The following CNIH3 variants were observed in gnomAD, a reference collection of about 807,000 sequenced individuals.
CNIH3 encodes the protein cornichon family AMPA receptor auxiliary protein 3, also known as protein cornichon homolog 3.
CNIH3 carries 14 observed loss-of-function variants against 24.1 expected under a neutral mutation model. The ratio of observed to expected loss-of-function variants is 0.58; its 90% CI spans 0.38 to 0.91. The LOEUF is 0.91. CNIH3 is among the 40% of genes least tolerant of loss of function. The pLI, the probability that CNIH3 is intolerant of heterozygous loss-of-function variation, is 0.00. For missense variants in CNIH3, 178 were observed against 196.8 expected (o/e 0.90, Z 0.57); for synonymous variants, 68 against 73.8 (o/e 0.92, Z 0.40).
At chr1:224,627,503 C>A (rs1471290385) in intron 1 of CNIH3, among the ~76,000 whole-genome samples, 1 of 152,186 alleles carries the variant, frequency 6.6e-6, no homozygotes, top group African/African-American at 2.4e-5. Flanking sequence ...GGATTACAGG[C>A]GTGAGCCACC....
intron 1 of CNIH3, chr1:224,434,865 A>G (rs2102932895): frequency 3.0e-6 from 3 of 985,130 alleles, no homozygotes; most frequent in South Asian, 4.7e-5. Flanking sequence ...GGTGGCAGGT[A>G]TGGAACCTAT....
intron 3 of CNIH3, among the ~76,000 whole-genome samples, chr1:224,599,153 C>T (rs1053090073): frequency 6.6e-5 from 10 of 152,110 alleles, no homozygotes; most frequent in East Asian, 1.9e-4. Context: ...TTAAAAAAAC[C>T]GCCACCCTTT....
intron 3 of CNIH3, among the ~76,000 whole-genome samples, chr1:224,695,357 AACACAC>A (rs56245587): frequency 0.52 from 76,007 of 145,656 alleles, 20,489 homozygotes; most frequent in Non-Finnish European, 0.6. Context: ...TCTCTTTCTA[AACACAC>A]ACACACACAC....
chr1:224,569,115 G>A (rs1054028869), intron 4 of CNIH3, among the ~76,000 whole-genome samples: 2 of 152,074 alleles, frequency 1.3e-5, no homozygotes, highest in Admixed American at 1.3e-4. Flanking sequence ...TGATCTGCCC[G>A]TCTCGGCCTC....
At chr1:224,714,941 C>T (rs1242817666) in intron 3 of CNIH3, among the ~76,000 whole-genome samples, 1 of 152,192 alleles carries the variant, frequency 6.6e-6, no homozygotes, top group African/African-American at 2.4e-5. Context: ...CCAGATTTCA[C>T]CTTACGTAGT....
intron 4 of CNIH3, 197 bp downstream of exon 4, chr1:224,730,771 T>G (rs548690623): frequency 3.7e-6 from 2 of 535,566 alleles, no homozygotes; most frequent in South Asian, 5.6e-5. Context: ...TTTGTTGGTT[T>G]CATTAACCAC....
At chr1:224,451,519 C>G (rs1675397989) in intron 1 of CNIH3, among the ~76,000 whole-genome samples, 1 of 152,150 alleles carries the variant, frequency 6.6e-6, no homozygotes, top group South Asian at 2.1e-4. Context: ...TGTAATAGAG[C>G]CTGCTATGGC....
intron 2 of CNIH3, among the ~76,000 whole-genome samples, chr1:224,530,610 CT>C (rs1053359409): frequency 3.4e-5 from 5 of 147,848 alleles, no homozygotes; most frequent in South Asian, 4.3e-4. Context: ...TTCTTTTTTT[CT>C]TTTTTTTTAG....
At chr1:224,705,854 T>TC (rs374713022) in intron 3 of CNIH3, among the ~76,000 whole-genome samples, 4 of 106,912 alleles carry the variant, frequency 3.7e-5, no homozygotes, top group African/African-American at 1.2e-4. Context: ...TCTTTTCTTT[T>TC]TTTTCTTTTT....
intron 1 of CNIH3, among the ~76,000 whole-genome samples, chr1:224,467,745 A>G (rs1676205720): frequency 1.3e-5 from 2 of 150,948 alleles, no homozygotes; most frequent in African/African-American, 2.4e-5. Flanking sequence ...TTTGATATCA[A>G]GTTGAAGTAC....
rs141293355 is a variant in CNIH3, at chr1:224,551,992, C to T, written n.450+5053C>T. The stretch of plus-strand genomic sequence containing the variant: ...AGGGAGTTATACTACTAATATCACA[C>T]GGGTTGTACTCCCTCTGTGTACGCC... On this transcript the variant is annotated intron_variant and non_coding_transcript_variant, in intron 3 of 5. Transcript: ENST00000471578. Among the ~76,000 whole-genome samples the T allele has an allele frequency of 5.6e-3, 850 of 151,272 alleles. 11 individuals are homozygous for T. The highest frequency in any genetic ancestry group is 0.02 in the African/African-American group (807 of 41,300).
intron 3 of CNIH3, among the ~76,000 whole-genome samples, chr1:224,710,404 C>T (rs770695672): frequency 8.5e-5 from 13 of 152,194 alleles, no homozygotes; most frequent in Non-Finnish European, 1.5e-4. Flanking sequence ...TCTTGGTCTT[C>T]GTTCAAGTCC....
At chr1:224,693,869 A>G (rs1403707574) in intron 3 of CNIH3, among the ~76,000 whole-genome samples, 2 of 152,254 alleles carry the variant, frequency 1.3e-5, no homozygotes, top group East Asian at 3.8e-4. Context: ...AGATGTTTCA[A>G]CATATATCTG....
At chr1:224,641,522 C>T (rs1293420546) in intron 1 of CNIH3, among the ~76,000 whole-genome samples, 1 of 152,220 alleles carries the variant, frequency 6.6e-6, no homozygotes, top group Non-Finnish European at 1.5e-5. Context: ...CTTCCCATTC[C>T]AGTCACCAGC....
chr1:224,643,140 TC>T (rs1347443305), intron 1 of CNIH3, among the ~76,000 whole-genome samples: 9 of 152,198 alleles, frequency 5.9e-5, no homozygotes, highest in African/African-American at 2.2e-4. Flanking sequence ...CACTTTGTAT[TC>T]CTGTCCTCAA....
At chr1:224,669,705 G>A (rs929046631) in intron 1 of CNIH3, among the ~76,000 whole-genome samples, 8 of 152,182 alleles carry the variant, frequency 5.3e-5, no homozygotes, top group African/African-American at 9.7e-5. Flanking sequence ...TTAACTTTAC[G>A]TGCTAGGCAT....
intron 1 of CNIH3, among the ~76,000 whole-genome samples, chr1:224,635,287 C>G (rs1404921410): frequency 6.6e-6 from 1 of 152,134 alleles, no homozygotes; most frequent in Non-Finnish European, 1.5e-5. Flanking sequence ...CCACCAGGCC[C>G]CTCCCACGAC....
chr1:224,730,447 C>G lies in CNIH3; in HGVS notation c.199-15C>G. 6.6e-7 allele frequency: 1 copy of G among 1,520,948 alleles called. No individual in the cohort carries two copies. Among genetic ancestry groups the G allele is most frequent in the Non-Finnish European group, 8.9e-7 (1 of 1,118,734 alleles). The allele number at this position is 1,520,948 out of a possible 1,614,324, so 94.2% of individuals were successfully genotyped here. A position where few individuals can be genotyped will look rare whatever the true frequency, so the allele number is the denominator to read the frequency against. ...CCTCCTCTAACTCAGGGCCGTGTCT[C>G]TGCTCCCTCTTCAGCTGGTGCTGCC... is the stretch of plus-strand genomic sequence containing the variant. On this transcript the variant is annotated splice_polypyrimidine_tract_variant and intron_variant, in intron 3 of 5. Transcript: ENST00000272133.
At chr1:224,546,498 C>T (rs1394978300) in intron 2 of CNIH3, among the ~76,000 whole-genome samples, 3 of 152,054 alleles carry the variant, frequency 2.0e-5, no homozygotes, top group South Asian at 2.1e-4. Flanking sequence ...TGCTGAGCAG[C>T]GTCAGGGGAA....
Sources: gnomAD v4.1 joint callset for allele counts (sites outside exome capture counted in the v4.1 genomes callset) on GRCh38, gnomAD v4.1.1 for gene constraint, MANE v1.5 for transcripts, NCBI Gene and HGNC (gene_info 2026-07-23, HGNC 2026-07-21) for gene names.